CNTN4: variants seen among roughly 807,000 people sequenced by gnomAD.
CNTN4 encodes contactin-4.
A neutral mutation model predicts 122.5 loss-of-function variants in CNTN4; 77 were observed. The observed-to-expected ratio is 0.63, with a 90% confidence interval of 0.52 to 0.76. The LOEUF is 0.76. CNTN4 is among the 30% of genes least tolerant of loss of function. The pLI is 0.00. For missense variants in CNTN4, 1,256 were observed against 1,259.1 expected (o/e 1.00, Z 0.04); for synonymous variants, 512 against 447.0 (o/e 1.15, Z -1.83).
At chr3:2,530,369 C>A (rs1025342308) in intron 3 of CNTN4, among the ~76,000 whole-genome samples, 4 of 145,002 alleles carry the variant, frequency 2.8e-5, no homozygotes, top group South Asian at 2.2e-4. Context: ...AGTGCAGTGG[C>A]ACGATCTCAG....
At chr3:2,198,345 C>T (rs1229694903) in intron 2 of CNTN4, among the ~76,000 whole-genome samples, 2 of 151,970 alleles carry the variant, frequency 1.3e-5, no homozygotes. Flanking sequence ...CAGAATTACA[C>T]ATAGAATTCA....
At chr3:2,300,072 T>G (rs1051613117) in intron 2 of CNTN4, among the ~76,000 whole-genome samples, 1 of 152,166 alleles carries the variant, frequency 6.6e-6, no homozygotes, top group Non-Finnish European at 1.5e-5. Flanking sequence ...ATGAAGTGAT[T>G]TGAAAAACTG....
Position 2,191,709 on chromosome 3 carries a change from T to TATACAC in CNTN4, c.-145+91071_-145+91072insTACACA, listed in dbSNP as rs1553599242. The stretch of plus-strand genomic sequence containing the variant: ...AAAATTCTATGTATATATATATATA[T>TATACAC]ACACACACACACACATACACACACA... On this transcript the variant is annotated intron_variant, in intron 2 of 24. Transcript: ENST00000418658. Among the ~76,000 whole-genome samples the TATACAC allele has an allele frequency of 2.4e-3, 364 of 150,938 alleles. 3 individuals carry two copies. The highest frequency in any genetic ancestry group is 0.018 in the East Asian group (91 of 5,106).
intron 4 of CNTN4, among the ~76,000 whole-genome samples, chr3:2,658,669 G>A (rs1405506009): frequency 6.6e-6 from 1 of 152,116 alleles, no homozygotes; most frequent in Non-Finnish European, 1.5e-5. Context: ...GACATTTGCA[G>A]CAGAATGTCT....
intron 3 of CNTN4, among the ~76,000 whole-genome samples, chr3:2,348,180 T>G (rs993664179): frequency 1.3e-5 from 2 of 152,252 alleles, no homozygotes; most frequent in Non-Finnish European, 2.9e-5. Context: ...AAAGGTCACA[T>G]ATCAGTTTTT....
rs778191382 is a variant in CNTN4 at position 3,056,241 on chromosome 3, T to G, written c.*21T>G. On this transcript the variant is annotated 3_prime_UTR_variant, in exon 25 of 25. Coordinates refer to ENST00000418658, the MANE Select transcript of CNTN4 (RefSeq NM_175607.3). ...TATGACAAAAGTTATCTGAAGGACT[T>G]GCTGTTTATAATATAAGCAACATTT... 71 of 1,568,396 alleles carry G rather than the reference T, an allele frequency of 4.5e-5. No homozygotes were observed. Among genetic ancestry groups the G allele is most frequent in the Non-Finnish European group, 5.6e-5 (64 of 1,138,434 alleles).
intron 13 of CNTN4, among the ~76,000 whole-genome samples, chr3:2,983,294 C>A (rs1577500410): frequency 9.3e-6 from 1 of 107,712 alleles, no homozygotes; most frequent in Non-Finnish European, 1.9e-5. Flanking sequence ...TAGTAAAGAA[C>A]TATGAATAAA....
At chr3:2,526,761 A>C (rs1341330149) in intron 3 of CNTN4, among the ~76,000 whole-genome samples, 1 of 152,132 alleles carries the variant, frequency 6.6e-6, no homozygotes, top group African/African-American at 2.4e-5. Context: ...TATTTGCATA[A>C]ATAGGCATAC....
At chr3:2,583,669 A>G (rs898048637) in intron 4 of CNTN4, among the ~76,000 whole-genome samples, 2 of 152,236 alleles carry the variant, frequency 1.3e-5, no homozygotes, top group African/African-American at 4.8e-5. Context: ...AGAACTTATA[A>G]TTCCTCAGAA....
At chr3:2,268,864 G>A (rs1340993864) in intron 2 of CNTN4, among the ~76,000 whole-genome samples, 2 of 152,078 alleles carry the variant, frequency 1.3e-5, no homozygotes, top group African/African-American at 4.8e-5. Flanking sequence ...TTGAACTCTT[G>A]TCTATGGAGT....
intron 3 of CNTN4, among the ~76,000 whole-genome samples, chr3:2,393,453 C>G (rs2046520296): frequency 6.6e-6 from 1 of 152,086 alleles, no homozygotes; most frequent in Non-Finnish European, 1.5e-5. Context: ...AGTAATCAGT[C>G]ATTCCTTTTT....
Position 2,263,223 on chromosome 3 carries a change from A to G in CNTN4, c.-144-75955A>G, listed in dbSNP as rs1319425878. Reference sequence around the variant, plus strand: ...ATATTTTAAAACACTGTTGCTGGGTAGATTGTGAACTACATGTGGGCAAGG... The same window carrying G: ...ATATTTTAAAACACTGTTGCTGGGTGGATTGTGAACTACATGTGGGCAAGG... On this transcript the variant is annotated intron_variant, in intron 2 of 24. Coordinates refer to ENST00000418658, the MANE Select transcript of CNTN4 (RefSeq NM_175607.3). 3.9e-5 allele frequency among the ~76,000 whole-genome samples: 6 copies of G among 152,296 alleles called. No homozygotes were observed. In the East Asian group the frequency reaches 1.2e-3, roughly 29 times the overall value.
chr3:2,432,443 A>G (rs956779645), intron 3 of CNTN4, among the ~76,000 whole-genome samples: 3 of 152,240 alleles, frequency 2.0e-5, no homozygotes, highest in Non-Finnish European at 2.9e-5. Context: ...TAGAGAATAA[A>G]GAAGAGGGCT....
At chr3:2,551,790 TG>T (rs2149365619) in intron 3 of CNTN4, among the ~76,000 whole-genome samples, 1 of 152,266 alleles carries the variant, frequency 6.6e-6, no homozygotes, top group African/African-American at 2.4e-5. Context: ...TTATGCATAA[TG>T]GATTGTGTAT....
At chr3:2,125,371 A>G (rs956082539) in intron 2 of CNTN4, among the ~76,000 whole-genome samples, 8 of 91,246 alleles carry the variant, frequency 8.8e-5, no homozygotes, top group Non-Finnish European at 1.8e-4. Flanking sequence ...TGTGTATAAC[A>G]TGCCACGTTT....
intron 3 of CNTN4, among the ~76,000 whole-genome samples, chr3:2,367,811 T>C (rs17213462): frequency 0.41 from 62,254 of 151,780 alleles, 13,294 homozygotes; most frequent in East Asian, 0.81. Flanking sequence ...AGAGAATCCA[T>C]TGAAACTTTT....
chr3:3,039,144 G>T, intron 19 of CNTN4, 141 bp downstream of exon 19: 2 of 742,894 alleles, frequency 2.7e-6, no homozygotes, highest in Non-Finnish European at 2.4e-6. Context: ...TCCCTCTCAC[G>T]TAGCTAATGG....
chr3:2,299,341 A>G (rs1037847231), intron 2 of CNTN4, among the ~76,000 whole-genome samples: 1 of 152,076 alleles, frequency 6.6e-6, no homozygotes, highest in Non-Finnish European at 1.5e-5. Context: ...ATTATTTTTT[A>G]TTTGGGGTAC....
At chr3:2,826,099 T>A (rs1338072054) in intron 7 of CNTN4, among the ~76,000 whole-genome samples, 1 of 152,212 alleles carries the variant, frequency 6.6e-6, no homozygotes, top group Non-Finnish European at 1.5e-5. Context: ...GAGGGCACAC[T>A]CTAATCAATG....
Sources: allele counts gnomAD v4.1 joint callset (sites outside exome capture counted in the v4.1 genomes callset), GRCh38; gene constraint gnomAD v4.1.1; transcripts MANE v1.5; gene names NCBI Gene and HGNC (gene_info 2026-07-23, HGNC 2026-07-21).